COBLL1: variants seen among roughly 807,000 people sequenced by gnomAD.
COBLL1 encodes the protein cordon-bleu WH2 repeat protein like 1, also known as cordon-bleu protein-like 1.
Under a neutral mutation model 94.8 loss-of-function variants are expected in COBLL1, and 50 were observed. The observed-to-expected ratio is 0.53, with a 90% CI of 0.42 to 0.67. COBLL1 has a LOEUF of 0.67. COBLL1 is among the 30% of genes least tolerant of loss of function. COBLL1 has a pLI of 0.00. For missense variants in COBLL1, 1,362 were observed against 1,348.7 expected, an observed-to-expected ratio of 1.01 and a Z score of -0.15; for synonymous variants, 448 against 473.8, an observed-to-expected ratio of 0.95 and a Z score of 0.71.
At chr2:164,761,775 T>C (rs1687696063) in intron 2 of COBLL1, among the ~76,000 whole-genome samples, 2 of 152,230 alleles carry the variant, frequency 1.3e-5, no homozygotes, top group South Asian at 4.1e-4. Flanking sequence ...CAGTAAGAGT[T>C]AAAACCCAAG....
At chr2:164,775,794 A>G (rs1688435844) in intron 2 of COBLL1, among the ~76,000 whole-genome samples, 1 of 151,904 alleles carries the variant, frequency 6.6e-6, no homozygotes, top group African/African-American at 2.4e-5. Flanking sequence ...CCCTCCTCTT[A>G]TGCCCTCAAA....
At chr2:164,770,609 A>G (rs1688158340) in intron 2 of COBLL1, among the ~76,000 whole-genome samples, 1 of 152,182 alleles carries the variant, frequency 6.6e-6, no homozygotes, top group East Asian at 1.9e-4. Flanking sequence ...ATAGAAAGGT[A>G]TCTGATTTAA....
intron 2 of COBLL1, among the ~76,000 whole-genome samples, chr2:164,833,355 A>AAAAT (rs1006340784): frequency 5.9e-5 from 9 of 152,200 alleles, no homozygotes; most frequent in Middle Eastern, 3.2e-3. Context: ...CCCTGTCTCA[A>AAAAT]AAATAAATAA....
At chr2:164,708,361 T>TG (rs997695229) in intron 7 of COBLL1, among the ~76,000 whole-genome samples, 1 of 152,040 alleles carries the variant, frequency 6.6e-6, no homozygotes, top group Admixed American at 6.6e-5. Flanking sequence ...GGGGTAGGCA[T>TG]GGGGGTGGAT....
intron 2 of COBLL1, among the ~76,000 whole-genome samples, chr2:164,780,134 G>A (rs532006659): frequency 1.8e-4 from 28 of 152,202 alleles, no homozygotes; most frequent in African/African-American, 5.3e-4. Flanking sequence ...TGGTATTTCC[G>A]TAAGCTATCT....
At position 164,722,172 on chromosome 2, in the gene COBLL1, A is replaced by T. The variant is rs150943531; in HGVS notation, c.899T>A (p.Met300Lys). Residue 300 changes from methionine to lysine, a missense_variant, in exon 7 of 14, where the codon ATG becomes AAG. Met to Lys is a moderately conservative substitution (Grantham distance 95). Coordinates refer to ENST00000652658, the MANE Select transcript of COBLL1 (RefSeq NM_001365672.2). Reference sequence around the variant, plus strand: ...TTGGGGGACACTCTGAGATGCTGGCATCGGGGGCAGTGGAGCCCGCCTCTT... The same window carrying T: ...TTGGGGGACACTCTGAGATGCTGGCTTCGGGGGCAGTGGAGCCCGCCTCTT... The part of the protein sequence containing the change: ...PKKRRAPLPP[M>K]PASQSVPQDL... 198 of 1,614,000 alleles carry T rather than the reference A, an allele frequency of 1.2e-4. No individual in the cohort carries two copies. The highest frequency in any genetic ancestry group is 1.6e-4 in the Non-Finnish European group (190 of 1,179,994).
chr2:164,814,418 A>G (rs537198213), intron 2 of COBLL1, among the ~76,000 whole-genome samples: 29 of 152,322 alleles, frequency 1.9e-4, no homozygotes, highest in Admixed American at 9.2e-4. Context: ...TGATCAATTA[A>G]GCAATCTTCT....
chr2:164,756,262 A>G (rs538291924), intron 2 of COBLL1, among the ~76,000 whole-genome samples: 2 of 152,296 alleles, frequency 1.3e-5, no homozygotes, highest in East Asian at 3.9e-4. Flanking sequence ...TAGAAAACAT[A>G]TGACTCCTAA....
chr2:164,815,142 G>T (rs1419407779), intron 2 of COBLL1, among the ~76,000 whole-genome samples: 2 of 152,076 alleles, frequency 1.3e-5, no homozygotes, highest in Non-Finnish European at 2.9e-5. Context: ...GCTCATGCCT[G>T]TAATCCCAGC....
rs1202286258 is a variant in COBLL1 at position 164,704,980 on chromosome 2, A to G, written c.1122T>C (p.His374=). 3 of 1,596,016 alleles carry G rather than the reference A, an allele frequency of 1.9e-6. No individual in the cohort carries two copies. In the Admixed American group the frequency reaches 5.4e-5, roughly 29 times the overall value. The part of the protein sequence containing the change: ...APSPPSKIPP[H]QSDENSRVTA... ...TCACACGACTATTTTCATCACTTTG[A>G]TGCGGGGGTATTTTGGAGGGTGGGG... The change falls in exon 8 of 14, where the codon CAT becomes CAC. Residue 374 remains histidine (H), a synonymous_variant. Transcript: ENST00000652658.
At chr2:164,725,134 A>ATATATATATATATAT (rs1558956185) in intron 5 of COBLL1, 44 of 55,316 alleles carry the variant, frequency 8.0e-4, no homozygotes, top group African/African-American at 2.3e-3. Flanking sequence ...ATATATATAT[A>ATATATATATATATAT]AAATGAAAGC....
At chr2:164,706,003 G>T (rs904748590) in intron 7 of COBLL1, among the ~76,000 whole-genome samples, 22 of 152,240 alleles carry the variant, frequency 1.4e-4, no homozygotes, top group African/African-American at 5.3e-4. Context: ...CATTGCACTC[G>T]AGCCTGGGCG....
intron 2 of COBLL1, among the ~76,000 whole-genome samples, chr2:164,835,211 T>A (rs1683264085): frequency 6.6e-6 from 1 of 152,200 alleles, no homozygotes; most frequent in South Asian, 2.1e-4. Context: ...GAGGTATTTG[T>A]ACACCCATGT....
At chr2:164,705,171 C>T in intron 7 of COBLL1, 66 bp from the exon 8 acceptor site, 1 of 1,300,514 alleles carries the variant, frequency 7.7e-7, no homozygotes, top group African/African-American at 1.5e-5. Context: ...TAGGAAGACA[C>T]TGAACTTTAC....
chr2:164,767,235 C>T (rs956785855), intron 2 of COBLL1, among the ~76,000 whole-genome samples: 3 of 152,048 alleles, frequency 2.0e-5, no homozygotes, highest in Admixed American at 1.3e-4. Context: ...TAATTTTTTT[C>T]TCACATATTT....
At chr2:164,840,913 C>T (rs1004952897) in intron 2 of COBLL1, 3 of 386,984 alleles carry the variant, frequency 7.8e-6, no homozygotes, top group African/African-American at 4.2e-5. Flanking sequence ...TGGCATTCAG[C>T]TGGCCTGTAG....
intron 2 of COBLL1, among the ~76,000 whole-genome samples, chr2:164,827,854 G>C (rs76269124): frequency 1.3e-5 from 2 of 152,126 alleles, no homozygotes; most frequent in Admixed American, 6.5e-5. Context: ...AACCTTGCCC[G>C]TGATGGACAA....
intron 2 of COBLL1, among the ~76,000 whole-genome samples, chr2:164,789,852 T>C (rs1327131929): frequency 1.3e-5 from 2 of 152,242 alleles, no homozygotes; most frequent in Admixed American, 6.5e-5. Context: ...CTACTGCTTA[T>C]TCTTTTGCCC....
chr2:164,818,332 A>ATTTATACATATACACGTGTG (rs1356412039), intron 2 of COBLL1, among the ~76,000 whole-genome samples: 1 of 146,190 alleles, frequency 6.8e-6, no homozygotes, highest in Non-Finnish European at 1.5e-5. Flanking sequence ...ATGTATACAT[A>ATTTATACATATACACGTGTG]TATGTATATA....
Sources: gnomAD v4.1 joint callset for allele counts (sites outside exome capture counted in the v4.1 genomes callset) on GRCh38, gnomAD v4.1.1 for gene constraint, MANE v1.5 for transcripts, NCBI Gene and HGNC (gene_info 2026-07-23, HGNC 2026-07-21) for gene names.